The following PMP22 variants were observed in gnomAD, a reference collection of about 807,000 sequenced individuals.
PMP22 encodes peripheral myelin protein 22.
PMP22 carries 2 observed loss-of-function variants against 18.9 expected under a neutral mutation model. The observed-to-expected ratio is 0.11, with a 90% CI of 0.04 to 0.33. PMP22 has a LOEUF of 0.33. PMP22 is among the 10% of genes least tolerant of loss of function. The pLI, the probability that PMP22 is intolerant of heterozygous loss-of-function variation, is 1.00. For synonymous variants in PMP22, 95 were observed against 89.2 expected, an observed-to-expected ratio of 1.07 and a Z score of -0.37; for missense variants, 169 against 202.2, an observed-to-expected ratio of 0.84 and a Z score of 1.00.
chr17:15,236,056 C>T (rs1230919104), intron 4 of PMP22, among the ~76,000 whole-genome samples: 2 of 150,728 alleles, frequency 1.3e-5, no homozygotes, highest in Admixed American at 6.6e-5. Context: ...CACTGCGCCC[C>T]GCCCACTGTC....
chr17:15,235,370 C>G, intron 4 of PMP22: 1 of 715,788 alleles, frequency 1.4e-6, no homozygotes, highest in Non-Finnish European at 2.6e-6. Context: ...GAGCTTGATG[C>G]TGGGTGTAAG....
intron 1 of PMP22, among the ~76,000 whole-genome samples, chr17:15,263,184 C>T (rs1266005221): frequency 6.6e-6 from 1 of 152,162 alleles, no homozygotes; most frequent in African/African-American, 2.4e-5. Flanking sequence ...AAGAAAAGTC[C>T]GGCCGACTAC....
intron 2 of PMP22, 98 bp downstream of exon 2, chr17:15,260,552 T>C (rs1396722566): frequency 1.3e-5 from 13 of 1,025,584 alleles, no homozygotes; most frequent in Non-Finnish European, 1.6e-5. Context: ...CTTCCAACTG[T>C]CTGCAAATAA....
At chr17:15,241,278 T>A (rs1907291874) in intron 3 of PMP22, among the ~76,000 whole-genome samples, 1 of 152,238 alleles carries the variant, frequency 6.6e-6, no homozygotes, top group East Asian at 1.9e-4. Context: ...TTTGTCTTTA[T>A]CCAGCATAGA....
Position 15,230,783 on chromosome 17 carries a change from C to G in PMP22, c.*134G>C. On this transcript the variant is annotated 3_prime_UTR_variant, in exon 5 of 5. Coordinates refer to ENST00000312280, the MANE Select transcript of PMP22 (RefSeq NM_000304.4). ...CATCTTCAATCAACAGCAACCCCCA[C>G]CTCCACTGCTTTCTGTTTGGTTTGG... 1.1e-6 allele frequency: 1 copy of G among 877,706 alleles called. No individual in the cohort carries two copies. The highest frequency in any genetic ancestry group is 1.9e-6 in the Non-Finnish European group (1 of 533,974). 54.4% of individuals were successfully genotyped at this position (877,706 alleles called of 1,614,324 possible). A position where few individuals can be genotyped will look rare whatever the true frequency, so the allele number is the denominator to read the frequency against.
intron 1 of PMP22, among the ~76,000 whole-genome samples, chr17:15,264,439 C>G (rs1379525211): frequency 6.6e-6 from 1 of 152,216 alleles, no homozygotes; most frequent in East Asian, 1.9e-4. Flanking sequence ...TATGTGATCA[C>G]AACATACTCA....
intron 3 of PMP22, among the ~76,000 whole-genome samples, chr17:15,256,368 C>T (rs567646572): frequency 1.2e-4 from 18 of 152,244 alleles, no homozygotes; most frequent in African/African-American, 3.6e-4. Flanking sequence ...AGTCACATGG[C>T]GCAGTGGCTC....
intron 2 of PMP22, among the ~76,000 whole-genome samples, chr17:15,259,467 T>A (rs1409136720): frequency 6.6e-6 from 1 of 151,982 alleles, no homozygotes; most frequent in Non-Finnish European, 1.5e-5. Context: ...AAGCCTTCTC[T>A]CCTCCCAGCA....
intron 3 of PMP22, among the ~76,000 whole-genome samples, chr17:15,251,378 G>C (rs1445538801): frequency 6.6e-6 from 1 of 152,102 alleles, no homozygotes; most frequent in Non-Finnish European, 1.5e-5. Flanking sequence ...CACAATGGCA[G>C]GGACCTGCTC....
chr17:15,244,710 C>CA (rs1489364243), intron 3 of PMP22, among the ~76,000 whole-genome samples: 10 of 151,972 alleles, frequency 6.6e-5, no homozygotes, highest in Non-Finnish European at 5.9e-5. Flanking sequence ...AAACAAACAC[C>CA]AAAAAACTAT....
At chr17:15,260,622 G>T (rs1281150060) in intron 2 of PMP22, 28 bp downstream of exon 2, 2 of 1,539,396 alleles carry the variant, frequency 1.3e-6, no homozygotes, top group Admixed American at 2.0e-5. Context: ...GGCGGGCCGC[G>T]CAGGGAGCCT....
chr17:15,232,065 T>A lies in PMP22; in HGVS notation c.320-985A>T, dbSNP rs376880536. ...GGGTCTTTGAGAAGCTCTGAGTGAC[T>A]CTATTATAAATCCAGTATGCCGTGT... On this transcript the variant is annotated intron_variant, in intron 4 of 4. Coordinates refer to ENST00000312280, the MANE Select transcript of PMP22 (RefSeq NM_000304.4). Among the ~76,000 whole-genome samples the A allele has an allele frequency of 4.0e-5, 6 of 151,800 alleles. No individual in the cohort carries two copies. The East Asian group carries it at 5.8e-4, about 15-fold the overall frequency.
chr17:15,244,644 A>C (rs1907635767), intron 3 of PMP22, among the ~76,000 whole-genome samples: 1 of 152,222 alleles, frequency 6.6e-6, no homozygotes, highest in South Asian at 2.1e-4. Flanking sequence ...AGTCTTTGAA[A>C]GGTCTCCAAG....
chr17:15,247,579 G>A (rs1454285067), intron 3 of PMP22, among the ~76,000 whole-genome samples: 1 of 152,186 alleles, frequency 6.6e-6, no homozygotes, highest in Non-Finnish European at 1.5e-5. Flanking sequence ...GCTGAGCAAT[G>A]AAGGAAATAC....
At chr17:15,252,822 C>T (rs1908479305) in intron 3 of PMP22, among the ~76,000 whole-genome samples, 3 of 152,230 alleles carry the variant, frequency 2.0e-5, no homozygotes, top group Admixed American at 1.3e-4. Flanking sequence ...GGTCCTGCCT[C>T]ATCACTGAAG....
rs1909015225 is a variant in PMP22 at position 15,258,348 on chromosome 17, G to T, written c.178+746C>A. ...CACCTGTCTGCATCCAAACACACAGGGCTCCTGGCTGGGTGTTCCTTTCCC... is the reference window on the plus strand; with the variant it reads ...CACCTGTCTGCATCCAAACACACAGTGCTCCTGGCTGGGTGTTCCTTTCCC... On this transcript the variant is annotated intron_variant, in intron 3 of 4. Transcript: ENST00000312280. The surrounding 1 kb of genome is among the most constrained non-coding windows in gnomAD (Gnocchi z 4.1). Among the ~76,000 whole-genome samples, 1 of 152,064 alleles carries T rather than the reference G, an allele frequency of 6.6e-6. No homozygotes were observed. Among genetic ancestry groups the T allele is most frequent in the African/African-American group, 2.4e-5 (1 of 41,424 alleles).
At chr17:15,240,182 T>G (rs1907198078) in intron 3 of PMP22, among the ~76,000 whole-genome samples, 1 of 152,200 alleles carries the variant, frequency 6.6e-6, no homozygotes, top group South Asian at 2.1e-4. Flanking sequence ...CCTTCCCTCT[T>G]CTTGCCCTCA....
chr17:15,233,548 C>A (rs1315561767), intron 4 of PMP22, among the ~76,000 whole-genome samples: 1 of 152,198 alleles, frequency 6.6e-6, no homozygotes, highest in Non-Finnish European at 1.5e-5. Context: ...AAGGAAGCAC[C>A]CAAGGGGCCA....
chr17:15,241,178 TTCAATTTCTTTG>T (rs1202804926), intron 3 of PMP22, among the ~76,000 whole-genome samples: 1 of 150,686 alleles, frequency 6.6e-6, no homozygotes. Context: ...CTTTCATTTT[TTCAATTTCTTTG>T]TCAATTAAAG....
Sources: gnomAD v4.1 joint callset for allele counts (sites outside exome capture counted in the v4.1 genomes callset) on GRCh38, gnomAD v4.1.1 for gene constraint, Gnocchi (gnomAD v3.1) non-coding constraint, MANE v1.5 for transcripts, NCBI Gene and HGNC (gene_info 2026-07-23, HGNC 2026-07-21) for gene names.